Variants in SMOC2 observed in about 807,000 individuals in gnomAD.
SMOC2 encodes the protein SPARC-related modular calcium-binding protein 2.
Under a neutral mutation model 61.4 loss-of-function variants are expected in SMOC2, and 39 were observed. The ratio of observed to expected loss-of-function variants is 0.64; its 90% CI spans 0.49 to 0.83. The LOEUF is 0.83. Ranked by LOEUF, SMOC2 falls within the 40% of genes least tolerant of loss-of-function variation. SMOC2 has a pLI of 0.00. For missense variants in SMOC2, 556 were observed against 592.9 expected (o/e 0.94, Z 0.65); for synonymous variants, 247 against 239.9 (o/e 1.03, Z -0.27).
At chr6:168,558,067 C>T (rs1784289197) in intron 7 of SMOC2, among the ~76,000 whole-genome samples, 1 of 152,176 alleles carries the variant, frequency 6.6e-6, no homozygotes, top group Non-Finnish European at 1.5e-5. Context: ...GCTCCCTCTC[C>T]CAGTGATACT....
intron 7 of SMOC2, among the ~76,000 whole-genome samples, chr6:168,582,253 G>T (rs1784936159): frequency 6.6e-6 from 1 of 152,152 alleles, no homozygotes; most frequent in Non-Finnish European, 1.5e-5. Context: ...TCATGGATTG[G>T]TTTTGGGGTG....
At chr6:168,600,872 G>C (rs1785534937) in intron 8 of SMOC2, among the ~76,000 whole-genome samples, 1 of 152,186 alleles carries the variant, frequency 6.6e-6, no homozygotes, top group Admixed American at 6.5e-5. Context: ...GTGAGTTGGA[G>C]CAACGTGAGG....
intron 1 of SMOC2, among the ~76,000 whole-genome samples, chr6:168,460,312 TA>T (rs1438213652): frequency 6.6e-6 from 1 of 152,208 alleles, no homozygotes; most frequent in Non-Finnish European, 1.5e-5. Flanking sequence ...ACAAGCAATG[TA>T]ACAACATAAT....
At chr6:168,608,329 C>T in intron 9 of SMOC2, 90 bp downstream of exon 9, 1 of 1,402,452 alleles carries the variant, frequency 7.1e-7, no homozygotes, top group African/African-American at 1.4e-5. Flanking sequence ...TTATCTGACT[C>T]TGTTTCCCAG....
chr6:168,636,849 TGCCTCCCTCCTCCCGCCTCCCTCCTCCC>T (rs1185071842), intron 9 of SMOC2, among the ~76,000 whole-genome samples: 22 of 125,350 alleles, frequency 1.8e-4, no homozygotes, highest in South Asian at 2.8e-4. Flanking sequence ...ATATGCCTCC[TGCCTCCCTCCTCCCGCCTCCCTCCTCCC>T]GCCTCCCTCC....
intron 7 of SMOC2, among the ~76,000 whole-genome samples, chr6:168,573,098 T>C (rs1784708622): frequency 1.8e-5 from 1 of 56,044 alleles, no homozygotes; most frequent in Non-Finnish European, 3.1e-5. Context: ...GACGCGATGC[T>C]CATTTCCTTC....
chr6:168,523,079 A>ATTCTTTTCTT (rs551183247), intron 2 of SMOC2, among the ~76,000 whole-genome samples: 1 of 93,664 alleles, frequency 1.1e-5, no homozygotes. Flanking sequence ...TTGTACAGTA[A>ATTCTTTTCTT]TTTTTTTTTT....
At chr6:168,624,539 T>TAGAGAC (rs138906166) in intron 9 of SMOC2, among the ~76,000 whole-genome samples, 9 of 150,286 alleles carry the variant, frequency 6.0e-5, no homozygotes, top group Non-Finnish European at 1.3e-4. Context: ...GATTCACACA[T>TAGAGAC]AGACACATGC....
chr6:168,615,540 C>T (rs74419582), intron 9 of SMOC2, among the ~76,000 whole-genome samples: 16 of 77,478 alleles, frequency 2.1e-4, no homozygotes, highest in African/African-American at 6.7e-4. Context: ...TACTTACAGC[C>T]GGCACAGGGC....
chr6:168,664,235 C>A (rs1417999633), intron 12 of SMOC2, 124 bp downstream of exon 12: 1 of 828,348 alleles, frequency 1.2e-6, no homozygotes, highest in South Asian at 1.4e-5. Context: ...ATAAATAATT[C>A]AAGGGAGGCA....
At chr6:168,568,026 T>A (rs1353997678) in intron 7 of SMOC2, among the ~76,000 whole-genome samples, 1 of 150,104 alleles carries the variant, frequency 6.7e-6, no homozygotes, top group African/African-American at 2.5e-5. Context: ...ATTTAGTGCA[T>A]CTTCTCTTCA....
intron 7 of SMOC2, among the ~76,000 whole-genome samples, chr6:168,587,355 G>T (rs1474543028): frequency 6.6e-6 from 1 of 152,196 alleles, no homozygotes; most frequent in African/African-American, 2.4e-5. Flanking sequence ...TTTGCCAAGG[G>T]TATGGATGTA....
intron 1 of SMOC2, among the ~76,000 whole-genome samples, chr6:168,460,222 A>G (rs1225410470): frequency 2.0e-5 from 3 of 152,172 alleles, no homozygotes; most frequent in Non-Finnish European, 4.4e-5. Context: ...CTCAAATGAA[A>G]TCCCCTAGAC....
intron 1 of SMOC2, among the ~76,000 whole-genome samples, chr6:168,484,867 G>GA (rs1327421509): frequency 6.6e-6 from 1 of 152,204 alleles, no homozygotes. Context: ...AACACTGTGT[G>GA]ATTCCACTTA....
In SMOC2 at chr6:168,599,001, C is replaced by A. The variant is rs1213062326; in HGVS notation, c.821C>A (p.Thr274Lys). The A allele has an allele frequency of 3.8e-6, 6 of 1,597,770 alleles. No individual in the cohort carries two copies. Among genetic ancestry groups the A allele is most frequent in the Non-Finnish European group, 5.1e-6 (6 of 1,171,994 alleles). ...DTGRPIPGTSTRYEQPKCDNT... is the reference protein window; with the variant it reads ...DTGRPIPGTSKRYEQPKCDNT... ...GGGCGCCCCATTCCCGGCACATCCA[C>A]AAGGTAAATAGGGTGCACCCACCCC... is the stretch of plus-strand genomic sequence containing the variant. Residue 274 changes from threonine to lysine, a missense_variant, in exon 8 of 13, where the codon ACA (threonine) becomes AAA (lysine). Transcript: ENST00000356284.
chr6:168,611,112 C>T (rs936355291), intron 9 of SMOC2, among the ~76,000 whole-genome samples: 2 of 152,220 alleles, frequency 1.3e-5, no homozygotes, highest in African/African-American at 4.8e-5. Context: ...GACATCCTCC[C>T]AGGTCCTCAT....
Position 168,527,695 on chromosome 6 carries a change from C to T in SMOC2, c.431C>T (p.Thr144Ile). 1 of 1,552,140 alleles carries T rather than the reference C, an allele frequency of 6.4e-7. No homozygotes were observed. Among genetic ancestry groups the T allele is most frequent in the Non-Finnish European group, 8.7e-7 (1 of 1,147,442 alleles). Residue 144 changes from threonine (T) to isoleucine (I), a missense_variant, in exon 4 of 13, where the codon ACT becomes ATT. Coordinates refer to ENST00000356284, the MANE Select transcript of SMOC2 (RefSeq NM_001166412.2). Reference protein sequence around the residue: ...VTPNGRPISGTAVAHKTPRCP... With the variant: ...VTPNGRPISGIAVAHKTPRCP... The stretch of plus-strand genomic sequence containing the variant: ...CCCAACGGGAGGCCCATCAGCGGCA[C>T]TGCCGTGGCCCACAAGACGCCCCGG...
intron 1 of SMOC2, among the ~76,000 whole-genome samples, chr6:168,484,965 T>A (rs1185532266): frequency 6.6e-6 from 1 of 152,074 alleles, no homozygotes; most frequent in African/African-American, 2.4e-5. Flanking sequence ...GGAGGGAGTG[T>A]TTGATGGAGA....
At chr6:168,658,116 G>A (rs1787373985) in intron 11 of SMOC2, among the ~76,000 whole-genome samples, 1 of 152,188 alleles carries the variant, frequency 6.6e-6, no homozygotes, top group South Asian at 2.1e-4. Context: ...TGGAGAGCAG[G>A]TGGCTGCCAG....
Sources: allele counts gnomAD v4.1 joint callset (sites outside exome capture counted in the v4.1 genomes callset), GRCh38; gene constraint gnomAD v4.1.1; transcripts MANE v1.5; gene names NCBI Gene and HGNC (gene_info 2026-07-23, HGNC 2026-07-21).